Variants in HIF1A observed in about 807,000 individuals in gnomAD.
The protein encoded by HIF1A is hypoxia inducible factor 1 subunit alpha.
In HIF1A, 24 loss-of-function variants were observed where a neutral mutation model predicts 92.7. That is an observed-to-expected ratio of 0.26 (90% CI 0.19 to 0.36). The LOEUF is 0.36. HIF1A is among the 10% of genes least tolerant of loss of function. The pLI, the probability that HIF1A is intolerant of heterozygous loss-of-function variation, is 1.00. For synonymous variants in HIF1A, 319 were observed against 338.7 expected, an observed-to-expected ratio of 0.94 and a Z score of 0.64; for missense variants, 799 against 998.5, an observed-to-expected ratio of 0.80 and a Z score of 2.69.
intron 1 of HIF1A, among the ~76,000 whole-genome samples, chr14:61,705,516 ATC>A (rs2044229619): frequency 6.6e-6 from 1 of 152,192 alleles, no homozygotes; most frequent in Non-Finnish European, 1.5e-5. Context: ...CTTTTCAAAT[ATC>A]TGAGGGTAGC....
chr14:61,734,042 C>T (rs933271166), intron 7 of HIF1A, 96 bp from the exon 8 acceptor site: 1 of 834,764 alleles, frequency 1.2e-6, no homozygotes, highest in Admixed American at 3.7e-5. Flanking sequence ...CATTTGTTTT[C>T]CAAAACAATG....
chr14:61,698,054 A>G (rs1325815151), intron 1 of HIF1A: 3 of 591,298 alleles, frequency 5.1e-6, no homozygotes, highest in South Asian at 3.8e-5. Context: ...TGATTTTTAG[A>G]TTTTTAAGGG....
At chr14:61,727,689 T>C (rs1307703651) in intron 6 of HIF1A, 34 bp downstream of exon 6, 1 of 1,419,704 alleles carries the variant, frequency 7.0e-7, no homozygotes, top group Non-Finnish European at 1.0e-6. Context: ...TTTGAAATTT[T>C]TAATTAGTCT....
chr14:61,739,528 A>G (rs376954756), intron 10 of HIF1A, among the ~76,000 whole-genome samples: 33 of 152,318 alleles, frequency 2.2e-4, no homozygotes, highest in African/African-American at 7.2e-4. Context: ...TTGACATCTC[A>G]CAGCCTTGTG....
At chr14:61,695,924 G>A (rs182448149) in intron 1 of HIF1A, 85 bp downstream of exon 1, 5 of 1,308,718 alleles carry the variant, frequency 3.8e-6, no homozygotes, top group Non-Finnish European at 4.3e-6. Flanking sequence ...CGGCCTCGGC[G>A]TTAATGGGAT....
intron 1 of HIF1A, among the ~76,000 whole-genome samples, chr14:61,705,690 G>T (rs538473032): frequency 4.6e-5 from 7 of 152,272 alleles, no homozygotes; most frequent in African/African-American, 1.4e-4. Context: ...TTCTCAGGTG[G>T]AATCTGAGAT....
At chr14:61,717,301 GAAGCTTTAGCTTT>G (rs1200142405) in intron 1 of HIF1A, among the ~76,000 whole-genome samples, 2 of 152,160 alleles carry the variant, frequency 1.3e-5, no homozygotes, top group Admixed American at 6.5e-5. Flanking sequence ...AAGAACTTCA[GAAGCTTTAGCTTT>G]AAGCTTTAAG....
At chr14:61,738,762 G>A (rs879667737) in intron 10 of HIF1A, among the ~76,000 whole-genome samples, 1 of 152,072 alleles carries the variant, frequency 6.6e-6, no homozygotes, top group Non-Finnish European at 1.5e-5. Flanking sequence ...GTTTTGTTTT[G>A]TTTTGAGAAA....
At chr14:61,714,372 C>T (rs1004570763) in intron 1 of HIF1A, among the ~76,000 whole-genome samples, 18 of 152,136 alleles carry the variant, frequency 1.2e-4, no homozygotes, top group Non-Finnish European at 2.2e-4. Flanking sequence ...TTTGTTTATT[C>T]GTTTGCTGGT....
chr14:61,738,258 T>C lies in HIF1A; in HGVS notation c.1421T>C (p.Val474Ala), dbSNP rs775612177. 4 of 1,614,104 alleles carry C rather than the reference T, an allele frequency of 2.5e-6. No homozygotes were observed. The highest frequency in any genetic ancestry group is 2.2e-5 in the South Asian group (2 of 91,082). The change falls in exon 10 of 15, where the codon GTT becomes GCT. Residue 474 changes from valine (V) to alanine (A), a missense_variant. Coordinates refer to ENST00000337138, the MANE Select transcript of HIF1A (RefSeq NM_001530.4). ...GCTGACCCTGCACTCAATCAAGAAGTTGCATTAAAATTAGAACCAAATCCA... is the reference window on the plus strand; with the variant it reads ...GCTGACCCTGCACTCAATCAAGAAGCTGCATTAAAATTAGAACCAAATCCA... ...SSADPALNQE[V>A]ALKLEPNPES...
chr14:61,704,764 A>C (rs953991988), intron 1 of HIF1A, among the ~76,000 whole-genome samples: 1 of 152,180 alleles, frequency 6.6e-6, no homozygotes, highest in Non-Finnish European at 1.5e-5. Flanking sequence ...TATGTCCTGT[A>C]ACAGATTGTT....
At chr14:61,740,683 C>G in intron 11 of HIF1A, 56 bp downstream of exon 11, 3 of 1,542,580 alleles carry the variant, frequency 1.9e-6, no homozygotes, top group Non-Finnish European at 2.6e-6. Flanking sequence ...TCTGAAGTGA[C>G]TTTGAGTTTC....
chr14:61,741,830 C>T (rs1269534355), intron 12 of HIF1A, among the ~76,000 whole-genome samples: 2 of 152,156 alleles, frequency 1.3e-5, no homozygotes, highest in Admixed American at 1.3e-4. Context: ...TAACTACCCT[C>T]ACTACTTAGA....
intron 5 of HIF1A, 99 bp from the exon 6 acceptor site, chr14:61,727,354 A>C (rs2044518523): frequency 2.4e-6 from 2 of 840,322 alleles, no homozygotes; most frequent in South Asian, 3.0e-5. Flanking sequence ...AAATTTTATC[A>C]AAGCTTACTG....
At chr14:61,722,086 C>CTTT (rs5809118) in intron 4 of HIF1A, among the ~76,000 whole-genome samples, 1 of 143,568 alleles carries the variant, frequency 7.0e-6, no homozygotes, top group African/African-American at 2.6e-5. Context: ...TTACAAATAA[C>CTTT]TTTTTTTTTT....
chr14:61,741,067 C>G lies in HIF1A; in HGVS notation c.1972C>G (p.Pro658Ala). Residue 658 changes from proline (P) to alanine (A), a missense_variant, in exon 12 of 15, where the codon CCA (proline) becomes GCA (alanine). By Grantham distance (27) the Pro-to-Ala change is conservative. Transcript: ENST00000337138. ...HKETTSATSS[P>A]YRDTQSRTAS... ...AGAAACTACTAGTGCCACATCATCA[C>G]CATATAGAGATACTCAAAGTCGGAC... 1 of 1,613,772 alleles carries G rather than the reference C, an allele frequency of 6.2e-7. No homozygotes were observed. Among genetic ancestry groups the G allele is most frequent in the Non-Finnish European group, 8.5e-7 (1 of 1,179,644 alleles).
At chr14:61,699,175 G>A (rs2044148502) in intron 1 of HIF1A, among the ~76,000 whole-genome samples, 1 of 152,126 alleles carries the variant, frequency 6.6e-6, no homozygotes, top group Admixed American at 6.6e-5. Flanking sequence ...TTTGTATGAA[G>A]TCTATGCACT....
intron 1 of HIF1A, among the ~76,000 whole-genome samples, chr14:61,717,343 A>G (rs2044375019): frequency 6.6e-6 from 1 of 152,204 alleles, no homozygotes. Flanking sequence ...GAAATGTTAT[A>G]AGACCTCCAG....
chr14:61,740,449 C>G, intron 10 of HIF1A, 56 bp from the exon 11 acceptor site: 1 of 1,332,312 alleles, frequency 7.5e-7, no homozygotes, highest in Non-Finnish European at 1.0e-6. Context: ...ATTCTGACAA[C>G]TAGCAAAGTA....
Sources: gnomAD v4.1 joint callset for allele counts (sites outside exome capture counted in the v4.1 genomes callset) on GRCh38, gnomAD v4.1.1 for gene constraint, MANE v1.5 for transcripts, NCBI Gene and HGNC (gene_info 2026-07-23, HGNC 2026-07-21) for gene names.